Variants in MX2 observed in about 807,000 individuals in gnomAD.
The protein encoded by MX2 is interferon-induced GTP-binding protein Mx2.
MX2 carries 51 observed loss-of-function variants against 74.0 expected under a neutral mutation model. That is an observed-to-expected ratio of 0.69 (90% CI 0.55 to 0.87). The LOEUF (loss-of-function observed/expected upper bound fraction) is 0.87, where lower values mean the gene tolerates loss of function less well. MX2 is among the 40% of genes least tolerant of loss of function. MX2 has a pLI of 0.00. For missense variants in MX2, 832 were observed against 908.7 expected, an observed-to-expected ratio of 0.92 and a Z score of 1.09; for synonymous variants, 369 against 339.3, an observed-to-expected ratio of 1.09 and a Z score of -0.96.
chr21:41,391,253 A>C (rs553536756), intron 6 of MX2, among the ~76,000 whole-genome samples: 1 of 150,592 alleles, frequency 6.6e-6, no homozygotes, highest in South Asian at 2.2e-4. Context: ...AGGAAAGAAA[A>C]AAAGTTTTCT....
At chr21:41,406,168 A>C (rs2089883691) in intron 12 of MX2, among the ~76,000 whole-genome samples, 1 of 151,968 alleles carries the variant, frequency 6.6e-6, no homozygotes, top group South Asian at 2.1e-4. Flanking sequence ...TTGTATTTTT[A>C]GTAGAGATGA....
chr21:41,379,344 G>A lies in MX2; in HGVS notation c.443-673G>A, dbSNP rs527933448. Among the ~76,000 whole-genome samples, 121 of 152,286 alleles carry A rather than the reference G, an allele frequency of 7.9e-4. 2 individuals are homozygous for A. The highest frequency in any genetic ancestry group is 3.4e-3 in the Middle Eastern group (1 of 294). On this transcript the variant is annotated intron_variant, in intron 3 of 13. Transcript: ENST00000330714. Reference sequence around the variant, plus strand: ...AGGTCGCGGGTTCTCAGGGCTTCACGGCAGGAGCGTGAGGGCCCCCACCCC... The same window carrying A: ...AGGTCGCGGGTTCTCAGGGCTTCACAGCAGGAGCGTGAGGGCCCCCACCCC...
rs1478874995 is a variant in MX2 at position 41,368,968 on chromosome 21, C to T, written c.-72+6913C>T. Among the ~76,000 whole-genome samples the T allele has an allele frequency of 2.6e-5, 4 of 152,166 alleles. No homozygotes were observed. The highest frequency in any genetic ancestry group is 2.6e-4 in the Admixed American group (4 of 15,292). On this transcript the variant is annotated intron_variant, in intron 1 of 13. Transcript: ENST00000330714. The surrounding 1 kb of genome is among the most constrained non-coding windows in gnomAD (Gnocchi z 4.6). ...TTGCTAGGGTGGGTGCCACCAGGCC[C>T]ACCGAGCTGCTGGGTCCTGGCCAAG...
intron 12 of MX2, among the ~76,000 whole-genome samples, 161 bp from the exon 13 acceptor site, chr21:41,406,583 C>T (rs931067054): frequency 3.3e-5 from 5 of 152,106 alleles, no homozygotes; most frequent in South Asian, 2.1e-4. Flanking sequence ...ACAGAAAGGG[C>T]GAAGTGGGAC....
chr21:41,397,911 G>A (rs1245667333), intron 8 of MX2, among the ~76,000 whole-genome samples: 2 of 152,070 alleles, frequency 1.3e-5, no homozygotes, highest in Admixed American at 1.3e-4. Context: ...TTGGTCAACA[G>A]GGGGGAAAAA....
chr21:41,365,895 GC>G, intron 1 of MX2: 1 of 152,542 alleles, frequency 6.6e-6, no homozygotes, highest in Non-Finnish European at 1.5e-5. Context: ...ACACGCAGAA[GC>G]CCACTCCTGC....
In MX2 at chr21:41,368,361, T is replaced by C. The variant is rs1010327698; in HGVS notation, c.-72+6306T>C. Among the ~76,000 whole-genome samples, 4 of 152,108 alleles carry C rather than the reference T, an allele frequency of 2.6e-5. No individual in the cohort carries two copies. The highest frequency in any genetic ancestry group is 5.9e-5 in the Non-Finnish European group (4 of 68,024). On this transcript the variant is annotated intron_variant, in intron 1 of 13. Transcript: ENST00000330714. The surrounding 1 kb of genome is among the most constrained non-coding windows in gnomAD (Gnocchi z 4.6). ...CTGAAGATTGTGCAGGGGAGACAGA[T>C]GGTTCACCAGGCACACACCAGACAA...
At chr21:41,403,872 G>T in intron 12 of MX2, 1 of 255,426 alleles carries the variant, frequency 3.9e-6, no homozygotes, top group Non-Finnish European at 8.0e-6. Context: ...CATAGTGCAG[G>T]CAAGCAAGAA....
rs568554632 is a variant in MX2, at chr21:41,380,367, C to G, written c.577+216C>G. ...CGAGTCATCCCATGCCGAGGACCCTCTGGTGGCTTCCCTTAGCAGCCTGCA... is the reference window on the plus strand; with the variant it reads ...CGAGTCATCCCATGCCGAGGACCCTGTGGTGGCTTCCCTTAGCAGCCTGCA... On this transcript the variant is annotated intron_variant, in intron 4 of 13. Transcript: ENST00000330714. The surrounding 1 kb of genome is among the most constrained non-coding windows in gnomAD (Gnocchi z 4.3). 6.6e-6 allele frequency among the ~76,000 whole-genome samples: 1 copy of G among 152,306 alleles called. No homozygotes were observed. Among genetic ancestry groups the G allele is most frequent in the African/African-American group, 2.4e-5 (1 of 41,568 alleles).
chr21:41,405,867 G>A (rs746153529), intron 12 of MX2, among the ~76,000 whole-genome samples: 2 of 133,340 alleles, frequency 1.5e-5, no homozygotes, highest in African/African-American at 2.8e-5. Flanking sequence ...ACCACACCTG[G>A]CTAATTTGTG....
chr21:41,383,629 G>C (rs1481326479), intron 5 of MX2, among the ~76,000 whole-genome samples: 1 of 152,202 alleles, frequency 6.6e-6, no homozygotes, highest in African/African-American at 2.4e-5. Context: ...GTGGGAGACA[G>C]TGGCAGTGTT....
chr21:41,396,487 C>CAG (rs10633321), intron 7 of MX2, among the ~76,000 whole-genome samples: 141,969 of 152,060 alleles, frequency 0.93, 66,437 homozygotes, highest in East Asian at 1. Flanking sequence ...AATGGGAAAA[C>CAG]TGAATTTGGG....
Position 41,402,100 on chromosome 21 carries a change from C to A in MX2, c.1545C>A (p.Pro515=), listed in dbSNP as rs374635176. The A allele has an allele frequency of 6.2e-7, 1 of 1,613,996 alleles. No individual in the cohort carries two copies. Among genetic ancestry groups the A allele is most frequent in the Admixed American group, 1.7e-5 (1 of 59,978 alleles). Residue 515 remains proline (P), a synonymous_variant, in exon 11 of 14, where the codon CCC becomes CCA. Coordinates refer to ENST00000330714, the MANE Select transcript of MX2 (RefSeq NM_002463.2). The surrounding 1 kb of genome is among the most constrained non-coding windows in gnomAD (Gnocchi z 4.5). ...AGTACATCCAGCAGCTGGTGGAGCCCGCCCTTAGCATGCTCCAGAAAGCCA... is the reference window on the plus strand; with the variant it reads ...AGTACATCCAGCAGCTGGTGGAGCCAGCCCTTAGCATGCTCCAGAAAGCCA... ...VHQYIQQLVE[P]ALSMLQKAME...
intron 5 of MX2, chr21:41,390,182 C>T (rs185282458): frequency 1.4e-5 from 3 of 221,934 alleles, no homozygotes; most frequent in East Asian, 9.4e-5. Context: ...AAGATGTCAC[C>T]GCTGGCCGCA....
At chr21:41,405,656 G>A (rs946519398) in intron 12 of MX2, among the ~76,000 whole-genome samples, 1 of 151,150 alleles carries the variant, frequency 6.6e-6, no homozygotes. Flanking sequence ...GTCCATGGCA[G>A]TGACCCTGTG....
rs2089778201 is a variant in MX2 at position 41,399,236 on chromosome 21, AAGG to A, written c.1316_1318del (p.Gly439del). On this transcript the variant is annotated inframe_deletion, in exon 10 of 14. Coordinates refer to ENST00000330714, the MANE Select transcript of MX2 (RefSeq NM_002463.2). ...AATCAGGACATCGAAAAGTTAGTAG[AAGG>A]AGAAGAAGTTGTAAGGGAGAATGAG... 1.9e-6 allele frequency: 3 copies of A among 1,613,864 alleles called. No individual in the cohort carries two copies. The highest frequency in any genetic ancestry group is 1.3e-5 in the African/African-American group (1 of 74,916).
In MX2 at chr21:41,399,018, A is replaced by T; in HGVS notation, c.1271A>T (p.Glu424Val). The change falls in exon 9 of 14, where the codon GAG becomes GTG. Residue 424 changes from glutamate to valine, a missense_variant and splice_region_variant. Glu to Val is a moderately radical substitution (Grantham distance 121, BLOSUM62 -2). Transcript: ENST00000330714. The part of the protein sequence containing the change: ...QEADKMFFLI[E>V]KIKMFNQDIE... ...GCCGACAAGATGTTCTTTCTAATTG[A>T]GGTGAGGATTTCCGCAGGACTCCAC... The T allele has an allele frequency of 6.2e-7, 1 of 1,612,484 alleles. No homozygotes were observed. The highest frequency in any genetic ancestry group is 1.3e-5 in the African/African-American group (1 of 74,980).
intron 12 of MX2, chr21:41,403,550 C>G: frequency 1.3e-6 from 1 of 750,492 alleles, no homozygotes; most frequent in Non-Finnish European, 2.5e-6. Context: ...GGCTTCACTC[C>G]CCAGGAGAAA....
At chr21:41,401,735 G>A (rs2089817068) in intron 10 of MX2, 1 of 424,224 alleles carries the variant, frequency 2.4e-6, no homozygotes, top group South Asian at 3.8e-5. Context: ...CTCTTGGGGT[G>A]ATGACTTTCA....
Sources: gnomAD v4.1 joint callset for allele counts (sites outside exome capture counted in the v4.1 genomes callset) on GRCh38, gnomAD v4.1.1 for gene constraint, Gnocchi (gnomAD v3.1) non-coding constraint, MANE v1.5 for transcripts, NCBI Gene and HGNC (gene_info 2026-07-23, HGNC 2026-07-21) for gene names.